The following TMEM71 variants were observed in gnomAD, a reference collection of about 807,000 sequenced individuals.
The protein encoded by TMEM71 is transmembrane protein 71.
TMEM71 carries 44 observed loss-of-function variants against 38.0 expected under a neutral mutation model. The ratio of observed to expected loss-of-function variants is 1.16; its 90% CI spans 0.91 to 1.49. The LOEUF is 1.49. Among genes scored for constraint, TMEM71 ranks in the 40% most tolerant of loss-of-function variants. The probability of loss-of-function intolerance (pLI) is 0.00; values close to 1 mark genes in which losing one functional copy is unlikely to be tolerated. For missense variants in TMEM71, 367 were observed against 348.6 expected, an observed-to-expected ratio of 1.05 and a Z score of -0.42; for synonymous variants, 133 against 122.5, an observed-to-expected ratio of 1.09 and a Z score of -0.56.
downstream of TMEM71, among the ~76,000 whole-genome samples, chr8:132,708,420 C>T (rs950272917): frequency 6.6e-6 from 1 of 152,228 alleles, no homozygotes; most frequent in Admixed American, 6.5e-5. Context: ...ACACTTTATA[C>T]ACTTGGAGGA....
chr8:132,756,411 T>TTTTATATATATATA (rs1554619986), intron 3 of TMEM71, among the ~76,000 whole-genome samples: 4 of 115,814 alleles, frequency 3.5e-5, no homozygotes, highest in African/African-American at 1.6e-4. Context: ...AACATATATA[T>TTTTATATATATATA]TATATATATA....
At chr8:132,768,589 A>G in the TMEM71 span, among the ~76,000 whole-genome samples, 1 of 152,188 alleles carries the variant, frequency 6.6e-6, no homozygotes, top group Non-Finnish European at 1.5e-5. Flanking sequence ...AATAGGAGAG[A>G]AAAGAAGGAA....
chr8:132,773,376 G>A, the TMEM71 span, among the ~76,000 whole-genome samples: 10 of 152,260 alleles, frequency 6.6e-5, no homozygotes, highest in African/African-American at 2.2e-4. Context: ...TCTTTCAAGT[G>A]TCATTATTGG....
downstream of TMEM71, among the ~76,000 whole-genome samples, chr8:132,706,927 A>T (rs1344335949): frequency 6.6e-6 from 1 of 152,186 alleles, no homozygotes; most frequent in Non-Finnish European, 1.5e-5. Context: ...ACCACCTAGG[A>T]AGTAATTGTT....
At chr8:132,715,234 G>A (rs536866003) in intron 7 of TMEM71, among the ~76,000 whole-genome samples, 1 of 149,806 alleles carries the variant, frequency 6.7e-6, no homozygotes, top group Admixed American at 6.6e-5. Flanking sequence ...GTGAAACCCT[G>A]TCTCCACTAA....
chr8:132,768,602 C>T, the TMEM71 span, among the ~76,000 whole-genome samples: 1 of 151,980 alleles, frequency 6.6e-6, no homozygotes. Context: ...AGAAGGAAAA[C>T]CAAAGGGTGT....
chr8:132,713,909 A>G, intron 9 of TMEM71, 86 bp downstream of exon 9: 1 of 1,287,854 alleles, frequency 7.8e-7, no homozygotes. Flanking sequence ...TGTCATTGCC[A>G]TCTACTATGC....
At chr8:132,714,974 TTCC>T (rs1313056600) in intron 7 of TMEM71, among the ~76,000 whole-genome samples, 1 of 152,024 alleles carries the variant, frequency 6.6e-6, no homozygotes, top group Non-Finnish European at 1.5e-5. Context: ...TTCAACATCA[TTCC>T]TCATTACAGT....
chr8:132,721,880 A>G (rs578258465), intron 7 of TMEM71, among the ~76,000 whole-genome samples, 160 bp downstream of exon 7: 3 of 152,218 alleles, frequency 2.0e-5, no homozygotes, highest in Admixed American at 2.0e-4. Context: ...AGAGGTGGGC[A>G]ATGAGAGATA....
chr8:132,734,939 T>C (rs1205390481), intron 5 of TMEM71, among the ~76,000 whole-genome samples: 1 of 152,226 alleles, frequency 6.6e-6, no homozygotes, highest in Non-Finnish European at 1.5e-5. Context: ...CATTATTTGC[T>C]ATAAAGAGAA....
At chr8:132,711,506 T>A (rs1434191589) in intron 9 of TMEM71, among the ~76,000 whole-genome samples, 1 of 152,200 alleles carries the variant, frequency 6.6e-6, no homozygotes, top group Non-Finnish European at 1.5e-5. Context: ...ACTCATTCAT[T>A]AAGTATACGA....
intron 3 of TMEM71, among the ~76,000 whole-genome samples, chr8:132,754,017 T>G (rs910462628): frequency 6.6e-6 from 1 of 152,172 alleles, no homozygotes; most frequent in Non-Finnish European, 1.5e-5. Flanking sequence ...CATGACATGA[T>G]GTAGTTTTGA....
At chr8:132,775,199 G>T in the TMEM71 span, among the ~76,000 whole-genome samples, 1 of 151,838 alleles carries the variant, frequency 6.6e-6, no homozygotes, top group Middle Eastern at 3.4e-3. Flanking sequence ...AAGAGCTCGC[G>T]TTCTTTCCTC....
At chr8:132,764,136 T>C (rs1188534774), upstream of TMEM71, among the ~76,000 whole-genome samples, 1 of 152,352 alleles carries the variant, frequency 6.6e-6, no homozygotes, top group East Asian at 1.9e-4. Flanking sequence ...GAAATCTTGA[T>C]TCCTCTTCAT....
upstream of TMEM71, among the ~76,000 whole-genome samples, chr8:132,761,671 T>A (rs976668215): frequency 6.6e-6 from 1 of 152,204 alleles, no homozygotes; most frequent in Admixed American, 6.5e-5. Context: ...ATCCCTTGAG[T>A]GTAGACTGAG....
chr8:132,775,571 C>T, the TMEM71 span: 1 of 355,918 alleles, frequency 2.8e-6, no homozygotes, highest in Admixed American at 4.7e-5. Flanking sequence ...GGCAGAGGCC[C>T]GGGCTGGCCG....
chr8:132,752,716 C>T (rs1410509356), intron 3 of TMEM71, among the ~76,000 whole-genome samples: 1 of 150,750 alleles, frequency 6.6e-6, no homozygotes, highest in Non-Finnish European at 1.5e-5. Context: ...TGCACTCCAG[C>T]CTGGGCACCA....
the TMEM71 span, among the ~76,000 whole-genome samples, chr8:132,774,225 C>G: frequency 3.9e-5 from 6 of 152,200 alleles, no homozygotes; most frequent in Non-Finnish European, 7.3e-5. Flanking sequence ...GTGTTCTGAA[C>G]TAATGCAACC....
At chr8:132,738,181 G>T (rs1351739411) in intron 5 of TMEM71, among the ~76,000 whole-genome samples, 1 of 152,062 alleles carries the variant, frequency 6.6e-6, no homozygotes, top group Non-Finnish European at 1.5e-5. Context: ...AAGAAGTAGA[G>T]GATCAGAGAG....
Sources: gnomAD v4.1 joint callset for allele counts (sites outside exome capture counted in the v4.1 genomes callset) on GRCh38, gnomAD v4.1.1 for gene constraint, MANE v1.5 for transcripts, NCBI Gene and HGNC (gene_info 2026-07-23, HGNC 2026-07-21) for gene names.